Variants in NCAM1 observed in about 807,000 individuals in gnomAD.
The protein encoded by NCAM1 is antigen recognized by monoclonal antibody 5.1H11.
In NCAM1, 14 loss-of-function variants were observed where a neutral mutation model predicts 109.8. The ratio of observed to expected loss-of-function variants is 0.13; its 90% CI spans 0.08 to 0.20. The LOEUF (loss-of-function observed/expected upper bound fraction) is 0.20. Among genes scored for constraint, NCAM1 ranks in the 10% least tolerant of loss-of-function variants. NCAM1 has a pLI of 1.00. For missense variants in NCAM1, 774 were observed against 1,109.9 expected (o/e 0.70, Z 4.30); for synonymous variants, 418 against 442.9 (o/e 0.94, Z 0.70).
intron 1 of NCAM1, among the ~76,000 whole-genome samples, chr11:113,152,977 G>A (rs1453806304): frequency 6.6e-6 from 1 of 152,126 alleles, no homozygotes; most frequent in African/African-American, 2.4e-5. Flanking sequence ...AGAGGGTCGA[G>A]CCAGACAGAT....
At chr11:113,235,304 C>T (rs782295925) in intron 14 of NCAM1, 140 bp downstream of exon 14, 1 of 1,537,764 alleles carries the variant, frequency 6.5e-7, no homozygotes, top group East Asian at 2.2e-5. Flanking sequence ...GAGGCCCCAC[C>T]TCCTAGTTCT....
chr11:113,184,260 C>A (rs1419288981), intron 1 of NCAM1, among the ~76,000 whole-genome samples: 1 of 152,192 alleles, frequency 6.6e-6, no homozygotes, highest in African/African-American at 2.4e-5. Flanking sequence ...CTGAGGGAAA[C>A]AATTGAAATT....
intron 1 of NCAM1, among the ~76,000 whole-genome samples, chr11:112,976,739 A>G (rs964572782): frequency 6.6e-6 from 1 of 152,054 alleles, no homozygotes; most frequent in Non-Finnish European, 1.5e-5. Flanking sequence ...CATGATAGGT[A>G]TTGATCTATA....
intron 1 of NCAM1, among the ~76,000 whole-genome samples, chr11:113,104,593 C>CT (rs1940062844): frequency 6.6e-6 from 1 of 152,126 alleles, no homozygotes; most frequent in Non-Finnish European, 1.5e-5. Context: ...CTAATGAGAG[C>CT]AAAGCTGAAT....
rs17115163 is a variant in NCAM1 at position 113,207,938 on chromosome 11, G to A, written c.852G>A (p.Glu284=). 5.2e-3 allele frequency: 8,312 copies of A among 1,612,618 alleles called. 98 individuals carry two copies. Among genetic ancestry groups the A allele is most frequent in the South Asian group, 0.034 (3,115 of 90,496 alleles). ...IKKVDKNDEA[E]YICIAENKAG... is the part of the protein sequence containing the mutation. ...AGGTGGATAAGAACGACGAGGCTGAGTACATCTGCATTGCTGAGAACAAGG... is the reference window on the plus strand; with the variant it reads ...AGGTGGATAAGAACGACGAGGCTGAATACATCTGCATTGCTGAGAACAAGG... The change falls in exon 7 of 20, where the codon GAG becomes GAA. Residue 284 remains glutamate, a synonymous_variant. Coordinates refer to ENST00000316851, the MANE Select transcript of NCAM1 (RefSeq NM_181351.5).
intron 1 of NCAM1, among the ~76,000 whole-genome samples, chr11:113,076,586 C>G (rs1261552587): frequency 6.6e-6 from 1 of 152,130 alleles, no homozygotes; most frequent in Non-Finnish European, 1.5e-5. Context: ...TTCTTGTATT[C>G]TATTTCTCAG....
chr11:113,074,438 C>G (rs1328188189), intron 1 of NCAM1, among the ~76,000 whole-genome samples: 1 of 152,002 alleles, frequency 6.6e-6, no homozygotes, highest in Non-Finnish European at 1.5e-5. Context: ...ATGAGTTATG[C>G]CTAAAATTAA....
chr11:113,181,201 C>T (rs1943319465), intron 1 of NCAM1, among the ~76,000 whole-genome samples: 1 of 152,118 alleles, frequency 6.6e-6, no homozygotes, highest in African/African-American at 2.4e-5. Flanking sequence ...TGGTCTGCAG[C>T]TGTGGTGTGG....
At chr11:113,074,869 T>G (rs1555085847) in intron 1 of NCAM1, among the ~76,000 whole-genome samples, 8 of 152,132 alleles carry the variant, frequency 5.3e-5, no homozygotes. Context: ...TGACCTCAGG[T>G]GATCTGCCCG....
At chr11:113,157,499 G>A (rs1296362219) in intron 1 of NCAM1, among the ~76,000 whole-genome samples, 7 of 152,070 alleles carry the variant, frequency 4.6e-5, no homozygotes, top group Admixed American at 4.6e-4. Context: ...GTGGCATTAG[G>A]TTATTTGGAA....
chr11:112,974,628 T>G (rs1950960899), intron 1 of NCAM1, among the ~76,000 whole-genome samples: 1 of 152,060 alleles, frequency 6.6e-6, no homozygotes, highest in African/African-American at 2.4e-5. Flanking sequence ...TCTTCTGTAG[T>G]CTAGACTTCA....
intron 1 of NCAM1, among the ~76,000 whole-genome samples, chr11:112,984,307 G>A (rs1370522837): frequency 1.3e-5 from 2 of 151,904 alleles, no homozygotes; most frequent in African/African-American, 4.8e-5. Flanking sequence ...GATGGATAAA[G>A]TTTTTTCTGT....
chr11:113,148,536 C>T (rs1942104968), intron 1 of NCAM1, among the ~76,000 whole-genome samples: 1 of 152,048 alleles, frequency 6.6e-6, no homozygotes, highest in Admixed American at 6.5e-5. Context: ...CAAGATTCTG[C>T]TTGAATTCCA....
chr11:113,217,325 C>T (rs1252516994), intron 8 of NCAM1, among the ~76,000 whole-genome samples: 2 of 152,210 alleles, frequency 1.3e-5, no homozygotes, highest in Non-Finnish European at 2.9e-5. Flanking sequence ...GTCCTCCTAG[C>T]CTCTGCCACT....
chr11:113,003,183 G>A (rs1381047060), intron 1 of NCAM1, among the ~76,000 whole-genome samples: 2 of 152,256 alleles, frequency 1.3e-5, no homozygotes, highest in African/African-American at 4.8e-5. Flanking sequence ...ATTACTCAGA[G>A]TCTCTTGTCC....
chr11:113,167,295 G>GA (rs1419644122), intron 1 of NCAM1, among the ~76,000 whole-genome samples: 1 of 152,020 alleles, frequency 6.6e-6, no homozygotes, highest in Non-Finnish European at 1.5e-5. Flanking sequence ...CCCACACTTG[G>GA]AAAAAATACC....
In NCAM1 at chr11:113,068,134, A is replaced by C. The variant is rs191714151; in HGVS notation, c.52+106470A>C. Among the ~76,000 whole-genome samples, 52 of 152,178 alleles carry C rather than the reference A, an allele frequency of 3.4e-4. 1 individual carries two copies. Among genetic ancestry groups the C allele is most frequent in the Admixed American group, 3.1e-3 (47 of 15,288 alleles). On this transcript the variant is annotated intron_variant, in intron 1 of 19. Transcript: ENST00000316851. ...CACCGTGTTAGCCAGGATGGTCCCG[A>C]TCTCCTGACCTCGTGATCCACCCGC...
Position 113,255,868 on chromosome 11 carries a change from C to T in NCAM1, c.1829-9C>T, listed in dbSNP as rs1002788000. The stretch of plus-strand genomic sequence containing the variant: ...TGAGAATTTCATGTGAATTAACTGG[C>T]TGTTTCAGGGGAACCCAGTGCACCT... On this transcript the variant is annotated splice_polypyrimidine_tract_variant and intron_variant, in intron 15 of 19. Coordinates refer to ENST00000316851, the MANE Select transcript of NCAM1 (RefSeq NM_181351.5). 6.2e-7 allele frequency: 1 copy of T among 1,612,016 alleles called. No homozygotes were observed. The highest frequency in any genetic ancestry group is 8.5e-7 in the Non-Finnish European group (1 of 1,179,208).
chr11:113,046,912 TGATA>T (rs1555080962), intron 1 of NCAM1, among the ~76,000 whole-genome samples: 41 of 150,200 alleles, frequency 2.7e-4, no homozygotes, highest in East Asian at 3.9e-4. Flanking sequence ...GGAAGAAAGA[TGATA>T]GATAGATAGA....
Sources: gnomAD v4.1 joint callset for allele counts (sites outside exome capture counted in the v4.1 genomes callset) on GRCh38, gnomAD v4.1.1 for gene constraint, MANE v1.5 for transcripts, NCBI Gene and HGNC (gene_info 2026-07-23, HGNC 2026-07-21) for gene names.